The following ZNF385D variants were observed in gnomAD, a reference collection of about 807,000 sequenced individuals.
ZNF385D encodes zinc finger protein 385D, also known as zinc finger protein 659.
Under a neutral mutation model 35.8 loss-of-function variants are expected in ZNF385D, and 15 were observed. The ratio of observed to expected loss-of-function variants is 0.42; its 90% CI spans 0.28 to 0.64. The LOEUF is 0.64. Among genes scored for constraint, ZNF385D ranks in the 30% least tolerant of loss-of-function variants. The probability of loss-of-function intolerance (pLI) is 0.23; values close to 1 mark genes in which losing one functional copy is unlikely to be tolerated. For synonymous variants in ZNF385D, 212 were observed against 186.8 expected, an observed-to-expected ratio of 1.13 and a Z score of -1.10; for missense variants, 474 against 494.6, an observed-to-expected ratio of 0.96 and a Z score of 0.39.
intron 3 of ZNF385D, among the ~76,000 whole-genome samples, chr3:22,100,914 G>A (rs1701906013): frequency 6.6e-6 from 1 of 151,838 alleles, no homozygotes; most frequent in South Asian, 2.1e-4. Context: ...TTGTGCTAGA[G>A]ATTTTAGAAA....
At chr3:22,208,695 T>C (rs928948484) in intron 2 of ZNF385D, among the ~76,000 whole-genome samples, 2 of 145,956 alleles carry the variant, frequency 1.4e-5, no homozygotes, top group Admixed American at 1.4e-4. Flanking sequence ...ACACCTATTA[T>C]GTACCCACAA....
intron 2 of ZNF385D, among the ~76,000 whole-genome samples, chr3:21,595,778 T>C (rs978132973): frequency 1.3e-5 from 2 of 152,148 alleles, no homozygotes; most frequent in African/African-American, 4.8e-5. Context: ...AAAGCTCTCT[T>C]AGAGAAGCAA....
chr3:21,429,776 T>A (rs1701206778), intron 5 of ZNF385D, among the ~76,000 whole-genome samples: 1 of 152,150 alleles, frequency 6.6e-6, no homozygotes, highest in Admixed American at 6.6e-5. Flanking sequence ...CATTAAATAC[T>A]ATTTAATAGC....
At position 21,904,918 on chromosome 3, in the gene ZNF385D, G is replaced by A. The variant is rs185103926; in HGVS notation, c.326-239890C>T. Among the ~76,000 whole-genome samples, 1,520 of 152,038 alleles carry A rather than the reference G, an allele frequency of 1.0e-2. 14 individuals carry two copies. Among genetic ancestry groups the A allele is most frequent in the Non-Finnish European group, 0.015 (992 of 67,938 alleles). ...CTAAGCAGAATGATATTGATAGATG[G>A]AATATTCTAGAATATGGGTTTATCT... On this transcript the variant is annotated intron_variant, in intron 3 of 5. Transcript: ENST00000494108.
At chr3:21,989,064 A>G (rs1257447446) in intron 3 of ZNF385D, among the ~76,000 whole-genome samples, 1 of 151,974 alleles carries the variant, frequency 6.6e-6, no homozygotes, top group Admixed American at 6.5e-5. Context: ...GGCACTCCCT[A>G]GTGAGATGAA....
At chr3:21,636,377 A>ATT (rs1266978058) in intron 2 of ZNF385D, among the ~76,000 whole-genome samples, 153 of 50,728 alleles carry the variant, frequency 3.0e-3, no homozygotes, top group Middle Eastern at 9.3e-3. Flanking sequence ...TATATATATG[A>ATT]TTATATATAT....
intron 2 of ZNF385D, among the ~76,000 whole-genome samples, chr3:22,307,373 T>C (rs11712617): frequency 0.19 from 28,342 of 152,086 alleles, 3,303 homozygotes; most frequent in Non-Finnish European, 0.25. Flanking sequence ...AATCACAGAA[T>C]TGAAGTTTAA....
intron 2 of ZNF385D, among the ~76,000 whole-genome samples, chr3:21,594,401 G>C (rs2064070460): frequency 6.6e-6 from 1 of 152,118 alleles, no homozygotes; most frequent in Admixed American, 6.6e-5. Flanking sequence ...AATGCTCCTA[G>C]GAAAGACTAG....
At chr3:21,691,647 T>C (rs1422523753) in intron 1 of ZNF385D, among the ~76,000 whole-genome samples, 3 of 152,116 alleles carry the variant, frequency 2.0e-5, no homozygotes. Flanking sequence ...CTGATCATCA[T>C]TGCTATAAAA....
chr3:21,795,402 G>A (rs1333579330), intron 3 of ZNF385D, among the ~76,000 whole-genome samples: 1 of 152,240 alleles, frequency 6.6e-6, no homozygotes, highest in Non-Finnish European at 1.5e-5. Context: ...TTGGCTGAGG[G>A]CGGGGCACAT....
chr3:21,872,665 C>G (rs1227077969), intron 3 of ZNF385D, among the ~76,000 whole-genome samples: 1 of 151,992 alleles, frequency 6.6e-6, no homozygotes, highest in Admixed American at 6.6e-5. Context: ...TTGCCATTTA[C>G]AATGTGGCAA....
At chr3:22,242,827 G>A (rs1425877551) in intron 2 of ZNF385D, among the ~76,000 whole-genome samples, 1 of 150,932 alleles carries the variant, frequency 6.6e-6, no homozygotes, top group Non-Finnish European at 1.5e-5. Context: ...AGGCAAGCTG[G>A]GTGAGAGGTT....
intron 4 of ZNF385D, among the ~76,000 whole-genome samples, chr3:21,467,823 C>A (rs1703614013): frequency 6.6e-6 from 1 of 152,074 alleles, no homozygotes; most frequent in African/African-American, 2.4e-5. Context: ...TGAATGTGAA[C>A]AAGGTAATAC....
At chr3:21,899,993 T>C (rs1699318389) in intron 3 of ZNF385D, among the ~76,000 whole-genome samples, 1 of 152,150 alleles carries the variant, frequency 6.6e-6, no homozygotes, top group African/African-American at 2.4e-5. Context: ...AGTTAAGTGG[T>C]TGGGCAGGTG....
chr3:21,753,920 A>G (rs1235326398), upstream of ZNF385D, among the ~76,000 whole-genome samples: 1 of 152,122 alleles, frequency 6.6e-6, no homozygotes, highest in Non-Finnish European at 1.5e-5. Flanking sequence ...TCTACATATA[A>G]GTGAAATCAT....
At chr3:21,948,610 TATA>T (rs1575986621) in intron 3 of ZNF385D, among the ~76,000 whole-genome samples, 2 of 152,258 alleles carry the variant, frequency 1.3e-5, no homozygotes, top group East Asian at 1.9e-4. Flanking sequence ...TGAATTGGCA[TATA>T]ATATTTTGAT....
intron 1 of ZNF385D, among the ~76,000 whole-genome samples, chr3:21,736,000 G>A (rs920215075): frequency 6.6e-6 from 1 of 152,204 alleles, no homozygotes; most frequent in African/African-American, 2.4e-5. Flanking sequence ...AATAACAAAG[G>A]GTAGTGCCAG....
intron 2 of ZNF385D, among the ~76,000 whole-genome samples, chr3:22,199,651 G>C (rs138962193): frequency 2.0e-5 from 3 of 152,048 alleles, no homozygotes; most frequent in African/African-American, 7.2e-5. Context: ...ATTTCTTATC[G>C]TTAGCCTCAT....
At chr3:21,544,052 A>C (rs2062285006) in intron 3 of ZNF385D, among the ~76,000 whole-genome samples, 1 of 151,968 alleles carries the variant, frequency 6.6e-6, no homozygotes, top group Non-Finnish European at 1.5e-5. Context: ...ATTTGTCCTA[A>C]AGAAAGACAA....
Sources: allele counts gnomAD v4.1 joint callset (sites outside exome capture counted in the v4.1 genomes callset), GRCh38; gene constraint gnomAD v4.1.1; transcripts MANE v1.5; gene names NCBI Gene and HGNC (gene_info 2026-07-23, HGNC 2026-07-21).